Variants in FOXP2 observed in about 807,000 individuals in gnomAD.
FOXP2 encodes forkhead box protein P2.
Under a neutral mutation model 115.8 loss-of-function variants are expected in FOXP2, and 12 were observed. That is an observed-to-expected ratio of 0.10 (90% CI 0.07 to 0.17). FOXP2 has a LOEUF of 0.17. FOXP2 is among the 10% of genes least tolerant of loss of function. FOXP2 has a pLI of 1.00. For synonymous variants in FOXP2, 328 were observed against 297.7 expected, an observed-to-expected ratio of 1.10 and a Z score of -1.05; for missense variants, 629 against 843.5, an observed-to-expected ratio of 0.75 and a Z score of 3.15.
chr7:114,168,678 C>G (rs1430565970), intron 1 of FOXP2, among the ~76,000 whole-genome samples: 1 of 152,142 alleles, frequency 6.6e-6, no homozygotes, highest in Non-Finnish European at 1.5e-5. Flanking sequence ...GCCTACTGCA[C>G]AAATTTGCAT....
chr7:114,494,901 T>C (rs1222593440), intron 2 of FOXP2, among the ~76,000 whole-genome samples: 1 of 152,230 alleles, frequency 6.6e-6, no homozygotes, highest in African/African-American at 2.4e-5. Flanking sequence ...ATATCAGTTT[T>C]GTTTTACTTT....
intron 2 of FOXP2, among the ~76,000 whole-genome samples, chr7:114,475,785 G>A (rs138368395): frequency 6.6e-6 from 1 of 151,658 alleles, no homozygotes; most frequent in Non-Finnish European, 1.5e-5. Context: ...ATGTGCACAG[G>A]TACCCCGTTT....
intron 3 of FOXP2, among the ~76,000 whole-genome samples, chr7:114,616,263 A>G (rs985519290): frequency 3.0e-4 from 45 of 152,078 alleles, no homozygotes; most frequent in African/African-American, 1.0e-3. Flanking sequence ...CCAGGGTTCA[A>G]GCGATTCTCC....
At chr7:114,415,872 A>C (rs1409330074) in intron 1 of FOXP2, among the ~76,000 whole-genome samples, 1 of 151,994 alleles carries the variant, frequency 6.6e-6, no homozygotes, top group Non-Finnish European at 1.5e-5. Context: ...GAAAGGAGTC[A>C]GGGCTCAGAT....
intron 2 of FOXP2, among the ~76,000 whole-genome samples, chr7:114,512,391 A>G (rs1562968331): frequency 6.6e-6 from 1 of 152,166 alleles, no homozygotes. Flanking sequence ...TCAAAAGCTT[A>G]TTTATAACCA....
intron 1 of FOXP2, among the ~76,000 whole-genome samples, chr7:114,155,276 T>C (rs1378509911): frequency 6.6e-6 from 1 of 152,080 alleles, no homozygotes; most frequent in Non-Finnish European, 1.5e-5. Context: ...GGATCAGACA[T>C]GCCTCATTAT....
At chr7:114,337,724 A>G (rs1035471827) in intron 2 of FOXP2, among the ~76,000 whole-genome samples, 1 of 151,196 alleles carries the variant, frequency 6.6e-6, no homozygotes, top group Non-Finnish European at 1.5e-5. Context: ...CCGATTTTGT[A>G]TTAGATGAAA....
At chr7:114,384,311 C>G (rs2129192570) in intron 2 of FOXP2, among the ~76,000 whole-genome samples, 1 of 152,268 alleles carries the variant, frequency 6.6e-6, no homozygotes, top group South Asian at 2.1e-4. Context: ...AGATGCATTC[C>G]CATAAACAAC....
At position 114,511,817 on chromosome 7, in the gene FOXP2, GT is replaced by G. The variant is rs1321695832; in HGVS notation, c.169-22798del. ...ACATATTCTTTTCTATAAATTTGAG[GT>G]TATGTTTAATTGCTAAAATTGTATT... On this transcript the variant is annotated intron_variant, in intron 2 of 16. Coordinates refer to ENST00000350908, the MANE Select transcript of FOXP2 (RefSeq NM_014491.4). Among the ~76,000 whole-genome samples the G allele has an allele frequency of 3.3e-5, 5 of 151,790 alleles. No homozygotes were observed. The East Asian group carries it at 7.7e-4, about 23-fold the overall frequency.
At chr7:114,547,484 G>A (rs768002052) in intron 3 of FOXP2, among the ~76,000 whole-genome samples, 38 of 152,266 alleles carry the variant, frequency 2.5e-4, no homozygotes, top group Admixed American at 7.8e-4. Flanking sequence ...TTGGCCCAGC[G>A]CTGTGGCTCA....
Position 114,249,942 on chromosome 7 carries a change from T to TC in FOXP2, c.-101-38071dup, listed in dbSNP as rs1326918464. On this transcript the variant is annotated intron_variant, in intron 1 of 17. Transcript: ENST00000634411. ...TAGGTATATCTCCTAATGCTATCCC[T>TC]CCCCCCTCCCCCGACCCCACAACAG... Among the ~76,000 whole-genome samples, 10 of 126,688 alleles carry TC rather than the reference T, an allele frequency of 7.9e-5. No homozygotes were observed. The East Asian group carries it at 2.2e-3, about 28-fold the overall frequency. 83.1% of individuals were successfully genotyped at this position (126,688 alleles called of 152,430 possible).
chr7:114,442,858 A>G (rs931948573), intron 2 of FOXP2, among the ~76,000 whole-genome samples: 2 of 152,148 alleles, frequency 1.3e-5, no homozygotes, highest in African/African-American at 2.4e-5. Context: ...ATTCCATTGT[A>G]TTTTTTAATG....
At chr7:114,446,405 G>C (rs1794836933) in intron 2 of FOXP2, among the ~76,000 whole-genome samples, 1 of 151,786 alleles carries the variant, frequency 6.6e-6, no homozygotes, top group Admixed American at 6.6e-5. Context: ...CTTATGTATA[G>C]AGAGTAAATA....
intron 2 of FOXP2, among the ~76,000 whole-genome samples, chr7:114,385,165 G>C (rs1057193514): frequency 6.6e-6 from 1 of 151,880 alleles, no homozygotes; most frequent in Non-Finnish European, 1.5e-5. Flanking sequence ...TACCTAAATC[G>C]GGAGGGATAC....
intron 3 of FOXP2, among the ~76,000 whole-genome samples, chr7:114,627,833 A>C (rs1804678463): frequency 6.6e-6 from 1 of 152,126 alleles, no homozygotes; most frequent in Non-Finnish European, 1.5e-5. Flanking sequence ...GCTTGAAATA[A>C]GAAAAGGTTT....
chr7:114,358,521 G>A (rs966636086), intron 2 of FOXP2, among the ~76,000 whole-genome samples: 7 of 152,138 alleles, frequency 4.6e-5, no homozygotes, highest in African/African-American at 1.7e-4. Context: ...CTAGAGACTT[G>A]GAGGGCTCAG....
intron 2 of FOXP2, among the ~76,000 whole-genome samples, chr7:114,452,019 CT>C (rs1416848585): frequency 6.6e-6 from 1 of 151,764 alleles, no homozygotes; most frequent in Non-Finnish European, 1.5e-5. Flanking sequence ...TCTTATTTTT[CT>C]TTTCTAACCC....
Position 114,229,113 on chromosome 7 carries a change from A to G in FOXP2, c.-101-58906A>G, listed in dbSNP as rs186776844. Among the ~76,000 whole-genome samples the G allele has an allele frequency of 3.9e-3, 595 of 151,628 alleles. 5 individuals carry two copies. Among genetic ancestry groups the G allele is most frequent in the African/African-American group, 0.014 (579 of 41,492 alleles). On this transcript the variant is annotated intron_variant, in intron 1 of 17. Transcript: ENST00000634411. ...AGCAAAGGTAGATATACTTATATCA[A>G]CCAGATAGACTTTAAGTCAAGCTGT...
At chr7:114,628,022 AT>A (rs1804689970) in intron 3 of FOXP2, among the ~76,000 whole-genome samples, 1 of 152,060 alleles carries the variant, frequency 6.6e-6, no homozygotes, top group Non-Finnish European at 1.5e-5. Context: ...CTAGTACTTT[AT>A]CATGTGTATA....
Sources: gnomAD v4.1 joint callset for allele counts (sites outside exome capture counted in the v4.1 genomes callset) on GRCh38, gnomAD v4.1.1 for gene constraint, MANE v1.5 for transcripts, NCBI Gene and HGNC (gene_info 2026-07-23, HGNC 2026-07-21) for gene names.